Variants in NRXN1 observed in about 807,000 individuals in gnomAD.
NRXN1 encodes neurexin 1.
A neutral mutation model predicts 150.9 loss-of-function variants in NRXN1; 39 were observed. The ratio of observed to expected loss-of-function variants is 0.26; its 90% confidence interval spans 0.20 to 0.34. NRXN1 has a LOEUF of 0.34. Among genes scored for constraint, NRXN1 ranks in the 10% least tolerant of loss-of-function variants. NRXN1 has a pLI of 1.00. For missense variants in NRXN1, 1,815 were observed against 1,949.9 expected (o/e 0.93, Z 1.30); for synonymous variants, 924 against 757.0 (o/e 1.22, Z -3.62).
chr2:50,109,202 G>A (rs1223573102), intron 18 of NRXN1, among the ~76,000 whole-genome samples: 1 of 152,122 alleles, frequency 6.6e-6, no homozygotes, highest in Non-Finnish European at 1.5e-5. Context: ...ATGGCAGTCT[G>A]CGAAACAAGA....
chr2:50,568,150 C>T (rs1670148802), intron 8 of NRXN1, among the ~76,000 whole-genome samples: 1 of 152,088 alleles, frequency 6.6e-6, no homozygotes, highest in African/African-American at 2.4e-5. Context: ...ATTTCTACCT[C>T]AACCTCTGTG....
intron 17 of NRXN1, among the ~76,000 whole-genome samples, chr2:50,415,869 G>A (rs2083497217): frequency 6.6e-6 from 1 of 150,512 alleles, no homozygotes; most frequent in Non-Finnish European, 1.5e-5. Context: ...ACTCTGTAGA[G>A]GCTTGTAGTT....
intron 5 of NRXN1, among the ~76,000 whole-genome samples, chr2:50,813,981 T>G (rs564875122): frequency 6.6e-6 from 1 of 152,296 alleles, no homozygotes; most frequent in South Asian, 2.1e-4. Context: ...CCAAGTTTCT[T>G]TTAAAAATGA....
chr2:50,911,417 T>C (rs1418232979), intron 5 of NRXN1, among the ~76,000 whole-genome samples: 1 of 151,824 alleles, frequency 6.6e-6, no homozygotes, highest in Non-Finnish European at 1.5e-5. Flanking sequence ...CATTTCCATA[T>C]AATTTCTATA....
At chr2:50,474,839 C>CCCCCAAAAAAAAA (rs1558795095) in intron 15 of NRXN1, among the ~76,000 whole-genome samples, 1 of 108,846 alleles carries the variant, frequency 9.2e-6, no homozygotes, top group African/African-American at 3.6e-5. Flanking sequence ...GCCCCCCTAC[C>CCCCCAAAAAAAAA]AAAAAAAAAA....
chr2:50,944,214 A>G (rs1424579033), intron 2 of NRXN1, among the ~76,000 whole-genome samples: 1 of 152,174 alleles, frequency 6.6e-6, no homozygotes, highest in East Asian at 1.9e-4. Flanking sequence ...CAAATCTTGG[A>G]AAAAAAGTTG....
chr2:50,859,370 T>G (rs1463179330), intron 5 of NRXN1, among the ~76,000 whole-genome samples: 2 of 152,018 alleles, frequency 1.3e-5, no homozygotes, highest in Admixed American at 1.3e-4. Flanking sequence ...GGAAAATATT[T>G]AAGTGTCAAT....
intron 21 of NRXN1, among the ~76,000 whole-genome samples, chr2:50,031,745 C>T (rs1558732169): frequency 6.6e-6 from 1 of 152,016 alleles, no homozygotes; most frequent in East Asian, 1.9e-4. Flanking sequence ...AGATGTGTCT[C>T]AAAAGACTCT....
intron 18 of NRXN1, among the ~76,000 whole-genome samples, chr2:50,160,849 A>G (rs1233152738): frequency 1.3e-5 from 2 of 152,196 alleles, no homozygotes; most frequent in Non-Finnish European, 2.9e-5. Context: ...TAAACACAAC[A>G]GTGTGAGATT....
intron 17 of NRXN1, among the ~76,000 whole-genome samples, chr2:50,341,709 G>T (rs773404546): frequency 1.3e-5 from 2 of 152,128 alleles, no homozygotes; most frequent in African/African-American, 2.4e-5. Context: ...TCGAAAAGTA[G>T]AAATTGTTAT....
chr2:50,938,139 C>A (rs1688820252), intron 2 of NRXN1, among the ~76,000 whole-genome samples: 1 of 152,084 alleles, frequency 6.6e-6, no homozygotes, highest in Non-Finnish European at 1.5e-5. Flanking sequence ...CTGAAAGTTA[C>A]TCTGGGCAAG....
At chr2:50,718,941 T>C (rs909167432) in intron 5 of NRXN1, among the ~76,000 whole-genome samples, 6 of 151,756 alleles carry the variant, frequency 4.0e-5, no homozygotes, top group Non-Finnish European at 8.8e-5. Context: ...TTAGGATGCG[T>C]TGCAAATATG....
At chr2:50,232,410 C>T (rs1385507720) in intron 18 of NRXN1, among the ~76,000 whole-genome samples, 6 of 111,108 alleles carry the variant, frequency 5.4e-5, no homozygotes, top group African/African-American at 7.1e-5. Flanking sequence ...TTTTTTGAGA[C>T]GGAGTGTCAC....
intron 6 of NRXN1, 67 bp from the exon 7 acceptor site, chr2:50,621,316 A>C (rs1310965227): frequency 3.3e-6 from 4 of 1,221,858 alleles, no homozygotes; most frequent in South Asian, 2.6e-5. Context: ...TTACTTAAAA[A>C]ATATGATGGT....
chr2:50,376,509 C>T (rs1205217040), intron 17 of NRXN1, among the ~76,000 whole-genome samples: 1 of 152,078 alleles, frequency 6.6e-6, no homozygotes, highest in Non-Finnish European at 1.5e-5. Flanking sequence ...GGTTTTGATG[C>T]TGTACTTTTT....
At chr2:50,996,891 G>A (rs1343157009) in intron 2 of NRXN1, among the ~76,000 whole-genome samples, 1 of 152,016 alleles carries the variant, frequency 6.6e-6, no homozygotes, top group Non-Finnish European at 1.5e-5. Flanking sequence ...TCGTGAGGGG[G>A]GAGTAATCAT....
chr2:50,277,415 T>TCCTCCCTC (rs2070675936), intron 17 of NRXN1, among the ~76,000 whole-genome samples: 1 of 150,398 alleles, frequency 6.6e-6, no homozygotes, highest in African/African-American at 2.4e-5. Context: ...CTCCTTCCCT[T>TCCTCCCTC]CCTTCCTTCC....
chr2:50,346,908 C>A lies in NRXN1; in HGVS notation c.3365-109938G>T. 1 of 1,297,398 alleles carries A rather than the reference C, an allele frequency of 7.7e-7. No homozygotes were observed. Among genetic ancestry groups the A allele is most frequent in the Non-Finnish European group, 9.8e-7 (1 of 1,023,444 alleles). 80.4% of individuals were successfully genotyped at this position (1,297,398 alleles called of 1,614,324 possible). On this transcript the variant is annotated intron_variant, in intron 17 of 22. Coordinates refer to ENST00000401669, the MANE Select transcript of NRXN1 (RefSeq NM_001330078.2). The surrounding 1 kb of genome is among the most constrained non-coding windows in gnomAD (Gnocchi z 5.0). The stretch of plus-strand genomic sequence containing the variant: ...CGCCGCCGCCGCCGCCGCCCCCGGG[C>A]GAGCCCAGCTCGGCGCCGCACCGGA...
At chr2:50,624,982 A>C (rs1680745885) in intron 5 of NRXN1, 1 of 151,998 alleles carries the variant, frequency 6.6e-6, no homozygotes, top group South Asian at 2.1e-4. Flanking sequence ...GCCAAGAAAA[A>C]TGAGACAGCA....
Sources: gnomAD v4.1 joint callset for allele counts (sites outside exome capture counted in the v4.1 genomes callset) on GRCh38, gnomAD v4.1.1 for gene constraint, Gnocchi (gnomAD v3.1) non-coding constraint, MANE v1.5 for transcripts, NCBI Gene and HGNC (gene_info 2026-07-23, HGNC 2026-07-21) for gene names.